TMF1: variants seen among roughly 807,000 people sequenced by gnomAD.
The protein encoded by TMF1 is TATA element modulatory factor.
A neutral mutation model predicts 126.5 loss-of-function variants in TMF1; 71 were observed. The ratio of observed to expected loss-of-function variants is 0.56; its 90% CI spans 0.46 to 0.68. TMF1 has a LOEUF of 0.68. TMF1 is among the 30% of genes least tolerant of loss of function. The pLI is 0.00. For missense variants in TMF1, 1,259 were observed against 1,253.2 expected (o/e 1.00, Z -0.07); for synonymous variants, 461 against 430.5 (o/e 1.07, Z -0.88).
intron 8 of TMF1, among the ~76,000 whole-genome samples, chr3:69,036,013 A>G (rs1005757386): frequency 1.5e-5 from 1 of 66,122 alleles, no homozygotes; most frequent in Non-Finnish European, 3.5e-5. Flanking sequence ...TATCTATCCC[A>G]GCAGAAACAC....
chr3:69,044,588 T>C lies in TMF1; in HGVS notation c.1355A>G (p.Glu452Gly). The change falls in exon 3 of 17, where the codon GAA becomes GGA. Residue 452 changes from glutamate (E) to glycine (G), a missense_variant. By Grantham distance (98) the Glu-to-Gly change is moderately conservative. Transcript: ENST00000398559. ...SEKEDVCKTV[E>G]FLNEKLEKRE... The stretch of plus-strand genomic sequence containing the variant: ...TTTTTCCAGCTTTTCATTCAGAAAT[T>C]CAACTGTCTGGATAAGGCGAATACA... The C allele has an allele frequency of 6.2e-7, 1 of 1,606,140 alleles. No homozygotes were observed. Among genetic ancestry groups the C allele is most frequent in the Non-Finnish European group, 8.5e-7 (1 of 1,176,856 alleles).
intron 16 of TMF1, among the ~76,000 whole-genome samples, 180 bp from the exon 17 acceptor site, chr3:69,023,500 TAAAG>T (rs2107452221): frequency 6.6e-6 from 1 of 152,046 alleles, no homozygotes; most frequent in South Asian, 2.1e-4. Context: ...AAAAAGGAAT[TAAAG>T]AAAAAAACCA....
At position 69,038,592 on chromosome 3, in the gene TMF1, C is replaced by T. The variant is rs1381545421; in HGVS notation, c.2123G>A (p.Arg708His). The change falls in exon 8 of 17, where the codon CGT becomes CAT. Residue 708 changes from arginine to histidine, a missense_variant. Physicochemically the swap from Arg to His is conservative, Grantham distance 29 (BLOSUM62 0). Coordinates refer to ENST00000398559, the MANE Select transcript of TMF1 (RefSeq NM_007114.3). ...AALEKAQEEARQQQETLAIQV... is the reference protein window; with the variant it reads ...AALEKAQEEAHQQQETLAIQV... ...AATGGCTAATGTTTCTTGCTGCTGACGGGCTTCTTCTTGGGCCTTCTCTAA... is the reference window on the plus strand; with the variant it reads ...AATGGCTAATGTTTCTTGCTGCTGATGGGCTTCTTCTTGGGCCTTCTCTAA... 9 of 1,614,028 alleles carry T rather than the reference C, an allele frequency of 5.6e-6. No individual in the cohort carries two copies. The highest frequency in any genetic ancestry group is 2.2e-5 in the South Asian group (2 of 91,070).
chr3:69,042,668 C>G (rs754686283), intron 5 of TMF1, 139 bp downstream of exon 5: 9 of 730,634 alleles, frequency 1.2e-5, no homozygotes, highest in Non-Finnish European at 2.2e-5. Flanking sequence ...CTTCCATAAA[C>G]TGTCACCTAT....
intron 9 of TMF1, 141 bp from the exon 10 acceptor site, chr3:69,033,845 T>A: frequency 1.2e-6 from 1 of 809,252 alleles, no homozygotes; most frequent in Non-Finnish European, 1.8e-6. Context: ...TATTATTAAT[T>A]TTAGAAACGG....
chr3:69,041,476 C>A (rs1004855562), intron 5 of TMF1, among the ~76,000 whole-genome samples: 1 of 152,150 alleles, frequency 6.6e-6, no homozygotes, highest in African/African-American at 2.4e-5. Flanking sequence ...TGTTCTCAAA[C>A]GCTACCCTTT....
At chr3:69,031,637 T>G (rs2091803373) in intron 10 of TMF1, among the ~76,000 whole-genome samples, 1 of 152,206 alleles carries the variant, frequency 6.6e-6, no homozygotes, top group Non-Finnish European at 1.5e-5. Flanking sequence ...ACAAAAATTT[T>G]CAATTGAAAA....
chr3:69,050,451 T>A (rs1415321510), intron 1 of TMF1, among the ~76,000 whole-genome samples: 1 of 152,132 alleles, frequency 6.6e-6, no homozygotes, highest in Non-Finnish European at 1.5e-5. Flanking sequence ...TATGTCTGAT[T>A]AATTTAAATA....
rs752985130 is a variant in TMF1 at position 69,030,022 on chromosome 3, G to C, written c.2402-15C>G. On this transcript the variant is annotated splice_polypyrimidine_tract_variant and intron_variant, in intron 10 of 16. Coordinates refer to ENST00000398559, the MANE Select transcript of TMF1 (RefSeq NM_007114.3). ...CTGGGATTCACCTGATTACAGGACA[G>C]AAAAAAAAATCACATACACATACAG... The C allele has an allele frequency of 8.3e-6, 13 of 1,571,548 alleles. No homozygotes were observed. Among genetic ancestry groups the C allele is most frequent in the Non-Finnish European group, 1.1e-5 (13 of 1,161,054 alleles).
Position 69,048,477 on chromosome 3 carries a change from G to C in TMF1, c.228C>G (p.Ala76=). Residue 76 remains alanine (A), a synonymous_variant, in exon 2 of 17, where the codon GCC becomes GCG. Transcript: ENST00000398559. ...CTGGCTTTGTGATTGCTTTAGGAGA[G>C]GCTATTGGTGGACTCTGAGGTTCAG... ...SNTEPQSPPI[A]SPKAITKPVR... is the part of the protein sequence containing the mutation. The C allele has an allele frequency of 6.2e-7, 1 of 1,614,126 alleles. No individual in the cohort carries two copies. The highest frequency in any genetic ancestry group is 1.1e-5 in the South Asian group (1 of 91,086).
intron 10 of TMF1, among the ~76,000 whole-genome samples, chr3:69,033,100 AG>A (rs1437969908): frequency 1.3e-5 from 2 of 151,870 alleles, no homozygotes; most frequent in Non-Finnish European, 2.9e-5. Context: ...AATCGAGTGC[AG>A]CAGTCTACTA....
chr3:69,041,705 T>A lies in TMF1; in HGVS notation c.1684+1102A>T, dbSNP rs115124158. Among the ~76,000 whole-genome samples, 112 of 152,258 alleles carry A rather than the reference T, an allele frequency of 7.4e-4. 2 individuals carry two copies. Among genetic ancestry groups the A allele is most frequent in the African/African-American group, 2.5e-3 (102 of 41,582 alleles). The stretch of plus-strand genomic sequence containing the variant: ...GAGAAGGAAGATTGGAAATTAAATA[T>A]ATGATCTTAAATATGTTTAAAAATG... On this transcript the variant is annotated intron_variant, in intron 5 of 16. Coordinates refer to ENST00000398559, the MANE Select transcript of TMF1 (RefSeq NM_007114.3).
Position 69,047,577 on chromosome 3 carries a change from T to C in TMF1, c.1128A>G (p.Lys376=), listed in dbSNP as rs754336188. ...CTAATGTTTCATTTACTTCTTCAGA[T>C]TTTCCTTCAGCAGATTCAACTGTTT... The part of the protein sequence containing the change: ...KSKTVESAEG[K]SEEVNETLVI... The change falls in exon 2 of 17, where the codon AAA becomes AAG. Residue 376 remains lysine, a synonymous_variant. Transcript: ENST00000398559. The C allele has an allele frequency of 1.9e-6, 3 of 1,614,132 alleles. No individual in the cohort carries two copies. The highest frequency in any genetic ancestry group is 2.5e-6 in the Non-Finnish European group (3 of 1,180,030).
chr3:69,020,070 CAA>C lies in TMF1; in HGVS notation c.*3105_*3106del, dbSNP rs1228350234. 6.6e-6 allele frequency: 1 copy of C among 151,942 alleles called. No homozygotes were observed. The highest frequency in any genetic ancestry group is 1.9e-4 in the East Asian group (1 of 5,192). 9.4% of individuals were successfully genotyped at this position (151,942 alleles called of 1,614,324 possible). On this transcript the variant is annotated 3_prime_UTR_variant, in exon 17 of 17. Transcript: ENST00000398559. Reference sequence around the variant, plus strand: ...ACGTACTAAACATACAGTATTAAAACAAGATAAAACATCTACAGTTTTCTTTT... The same window carrying C: ...ACGTACTAAACATACAGTATTAAAACGATAAAACATCTACAGTTTTCTTTT...
chr3:69,050,386 A>G (rs767152636), intron 1 of TMF1, among the ~76,000 whole-genome samples: 6 of 152,170 alleles, frequency 3.9e-5, no homozygotes, highest in Admixed American at 6.5e-5. Context: ...ATTCATTTGC[A>G]CAATATCCAA....
chr3:69,052,071 C>G lies in TMF1; in HGVS notation c.16G>C (p.Ala6Pro). The change falls in exon 1 of 17, where the codon GCC becomes CCC. Residue 6 changes from alanine to proline, a missense_variant. Transcript: ENST00000398559. ...TTAGCGAAGCTGGAGAGCTGGGAGGCGTTGAACCAACTCATCGCCCCTCCT... is the reference window on the plus strand; with the variant it reads ...TTAGCGAAGCTGGAGAGCTGGGAGGGGTTGAACCAACTCATCGCCCCTCCT... MSWFN[A>P]SQLSSFAKQA... is the part of the protein sequence containing the mutation. 1.2e-6 allele frequency: 2 copies of G among 1,611,488 alleles called. No individual in the cohort carries two copies. Among genetic ancestry groups the G allele is most frequent in the Non-Finnish European group, 1.7e-6 (2 of 1,179,214 alleles).
intron 1 of TMF1, among the ~76,000 whole-genome samples, chr3:69,050,030 C>A (rs191961774): frequency 6.6e-6 from 1 of 151,918 alleles, no homozygotes; most frequent in Non-Finnish European, 1.5e-5. Flanking sequence ...GAGGCCGAGG[C>A]GGGCGGACCA....
intron 4 of TMF1, among the ~76,000 whole-genome samples, chr3:69,043,390 G>A (rs1392315202): frequency 6.6e-6 from 1 of 151,946 alleles, no homozygotes; most frequent in East Asian, 1.9e-4. Flanking sequence ...GGCTGGTCTT[G>A]AACTCCTGGG....
rs369571405 is a variant in TMF1 at position 69,020,637 on chromosome 3, T to C, written c.*2540A>G. 3.0e-4 allele frequency: 46 copies of C among 152,266 alleles called. No individual in the cohort carries two copies. Among genetic ancestry groups the C allele is most frequent in the African/African-American group, 1.1e-3 (44 of 41,568 alleles). 9.4% of individuals were successfully genotyped at this position (152,266 alleles called of 1,614,324 possible). On this transcript the variant is annotated 3_prime_UTR_variant, in exon 17 of 17. Coordinates refer to ENST00000398559, the MANE Select transcript of TMF1 (RefSeq NM_007114.3). ...TATAGCAACGAATATTCAATAGGTA[T>C]TCTGCCACCTACTGGAGTTTTTCAA...
Sources: gnomAD v4.1 joint callset for allele counts (sites outside exome capture counted in the v4.1 genomes callset) on GRCh38, gnomAD v4.1.1 for gene constraint, MANE v1.5 for transcripts, NCBI Gene and HGNC (gene_info 2026-07-23, HGNC 2026-07-21) for gene names.